The following LPP variants were observed in gnomAD, a reference collection of about 807,000 sequenced individuals.
The protein encoded by LPP is LIM domain containing preferred translocation partner in lipoma, also known as lipoma-preferred partner.
Under a neutral mutation model 60.4 loss-of-function variants are expected in LPP, and 38 were observed. The ratio of observed to expected loss-of-function variants is 0.63; its 90% confidence interval spans 0.49 to 0.83. LPP has a LOEUF of 0.83. Among genes scored for constraint, LPP ranks in the 40% least tolerant of loss-of-function variants. The pLI, the probability that LPP is intolerant of heterozygous loss-of-function variation, is 0.00. For missense variants in LPP, 902 were observed against 783.6 expected, an observed-to-expected ratio of 1.15 and a Z score of -1.80; for synonymous variants, 328 against 290.8, an observed-to-expected ratio of 1.13 and a Z score of -1.30.
chr3:188,431,684 A>G (rs1040443284), intron 4 of LPP, among the ~76,000 whole-genome samples: 4 of 152,182 alleles, frequency 2.6e-5, no homozygotes, highest in African/African-American at 9.6e-5. Context: ...CTTGAGGCCT[A>G]TGTAAATCAA....
intron 7 of LPP, among the ~76,000 whole-genome samples, chr3:188,683,319 C>T (rs1245058123): frequency 6.6e-6 from 1 of 152,024 alleles, no homozygotes; most frequent in African/African-American, 2.4e-5. Flanking sequence ...CATTTTTTCC[C>T]CTTTTCTTTC....
chr3:188,199,798 T>TC (rs35013066), intron 1 of LPP, among the ~76,000 whole-genome samples: 1 of 151,370 alleles, frequency 6.6e-6, no homozygotes, highest in Non-Finnish European at 1.5e-5. Flanking sequence ...CACTGCAACC[T>TC]CCCCCTCCCA....
chr3:188,535,221 G>T (rs541840092), intron 6 of LPP, among the ~76,000 whole-genome samples: 1 of 152,090 alleles, frequency 6.6e-6, no homozygotes, highest in Non-Finnish European at 1.5e-5. Context: ...GAAGGGGATC[G>T]AATTATGTTT....
At chr3:188,664,464 A>G (rs1170487874) in intron 7 of LPP, among the ~76,000 whole-genome samples, 1 of 152,232 alleles carries the variant, frequency 6.6e-6, no homozygotes, top group Non-Finnish European at 1.5e-5. Context: ...AACAACTGTG[A>G]AGTTCAAGTC....
At chr3:188,692,173 T>G (rs1862269371) in intron 7 of LPP, among the ~76,000 whole-genome samples, 7 of 152,226 alleles carry the variant, frequency 4.6e-5, no homozygotes, top group Admixed American at 4.6e-4. Context: ...CCTCATTTTC[T>G]TCAGCCTCTA....
intron 9 of LPP, 131 bp downstream of exon 9, chr3:188,760,413 T>G (rs1317006680): frequency 2.0e-5 from 13 of 643,542 alleles, no homozygotes; most frequent in Admixed American, 1.2e-4. Flanking sequence ...GTGTGGGGTG[T>G]GTGTGTGTGT....
intron 7 of LPP, among the ~76,000 whole-genome samples, chr3:188,646,407 A>G (rs1851108554): frequency 6.6e-6 from 1 of 152,196 alleles, no homozygotes; most frequent in African/African-American, 2.4e-5. Flanking sequence ...AAGAACAATG[A>G]TGCTGATTTT....
At chr3:188,674,759 A>C (rs1857649026) in intron 7 of LPP, among the ~76,000 whole-genome samples, 1 of 152,208 alleles carries the variant, frequency 6.6e-6, no homozygotes, top group Non-Finnish European at 1.5e-5. Flanking sequence ...GTACGAGAGT[A>C]GGTGTGCAAA....
intron 9 of LPP, among the ~76,000 whole-genome samples, chr3:188,842,316 T>C (rs1305347047): frequency 1.3e-5 from 2 of 152,240 alleles, no homozygotes; most frequent in Non-Finnish European, 2.9e-5. Flanking sequence ...TTGCCATTTG[T>C]ATGTCTTTTG....
chr3:188,797,067 C>T (rs1199537585), intron 9 of LPP, among the ~76,000 whole-genome samples: 2 of 152,086 alleles, frequency 1.3e-5, no homozygotes, highest in African/African-American at 4.8e-5. Flanking sequence ...TTATTTTCTT[C>T]CCAATGAATA....
chr3:188,623,460 GT>G (rs1162878980), intron 7 of LPP, among the ~76,000 whole-genome samples: 2 of 152,048 alleles, frequency 1.3e-5, no homozygotes, highest in Non-Finnish European at 2.9e-5. Context: ...GTTTCACTAT[GT>G]TGGCCAGGCA....
Position 188,881,385 on chromosome 3 carries a change from A to G in LPP, c.*6906A>G, listed in dbSNP as rs751729297. On this transcript the variant is annotated 3_prime_UTR_variant, in exon 12 of 12. Transcript: ENST00000617246. ...ACTTATTGACATAGTGTCATGTCCTATCACTCTCTGCTGCTTCTTTAAACA... is the reference window on the plus strand; with the variant it reads ...ACTTATTGACATAGTGTCATGTCCTGTCACTCTCTGCTGCTTCTTTAAACA... 32 of 202,440 alleles carry G rather than the reference A, an allele frequency of 1.6e-4. No homozygotes were observed. The highest frequency in any genetic ancestry group is 2.8e-4 in the Non-Finnish European group (27 of 98,104). The allele number at this position is 202,440 out of a possible 1,614,324, so 12.5% of individuals were successfully genotyped here.
At chr3:188,758,039 A>C (rs988739790) in intron 8 of LPP, among the ~76,000 whole-genome samples, 1 of 152,210 alleles carries the variant, frequency 6.6e-6, no homozygotes, top group African/African-American at 2.4e-5. Flanking sequence ...AGTCTGCCAC[A>C]AACAAATACT....
chr3:188,880,715 C>A lies in LPP; in HGVS notation c.*6236C>A. The stretch of plus-strand genomic sequence containing the variant: ...GTTATTAAACAGCCACAATCGCATT[C>A]AGTCAACTTGGCACTGAATGTAGCT... On this transcript the variant is annotated 3_prime_UTR_variant, in exon 12 of 12. Transcript: ENST00000617246. 5.4e-6 allele frequency: 1 copy of A among 185,298 alleles called. No homozygotes were observed. The highest frequency in any genetic ancestry group is 1.1e-5 in the Non-Finnish European group (1 of 87,404). 11.5% of individuals were successfully genotyped at this position (185,298 alleles called of 1,614,324 possible). A position where few individuals can be genotyped will look rare whatever the true frequency, so the allele number is the denominator to read the frequency against.
At chr3:188,573,818 T>A (rs115479819) in intron 6 of LPP, among the ~76,000 whole-genome samples, 3,247 of 152,076 alleles carry the variant, frequency 0.021, 115 homozygotes, top group African/African-American at 0.075. Context: ...GAGGACAGAA[T>A]TGAAGGGCTT....
At chr3:188,359,570 G>T (rs78970016) in intron 3 of LPP, among the ~76,000 whole-genome samples, 2,251 of 152,204 alleles carry the variant, frequency 0.015, 52 homozygotes, top group African/African-American at 0.05. Context: ...CTTATTCCAC[G>T]CTGGGCAGGT....
chr3:188,543,489 G>A (rs958174106), intron 6 of LPP, among the ~76,000 whole-genome samples: 18 of 152,204 alleles, frequency 1.2e-4, no homozygotes, highest in Admixed American at 3.3e-4. Flanking sequence ...AAGGTTCAAC[G>A]GGAGAACGAT....
intron 2 of LPP, among the ~76,000 whole-genome samples, chr3:188,275,524 T>C (rs1391318285): frequency 1.3e-5 from 2 of 152,140 alleles, no homozygotes; most frequent in Non-Finnish European, 2.9e-5. Flanking sequence ...TGTGCCTGGC[T>C]CTCCACCTTA....
At chr3:188,254,853 C>A (rs1731123312) in intron 2 of LPP, among the ~76,000 whole-genome samples, 1 of 152,138 alleles carries the variant, frequency 6.6e-6, no homozygotes, top group South Asian at 2.1e-4. Context: ...GGAATGGATA[C>A]CTAAATATTT....
Sources: gnomAD v4.1 joint callset for allele counts (sites outside exome capture counted in the v4.1 genomes callset) on GRCh38, gnomAD v4.1.1 for gene constraint, MANE v1.5 for transcripts, NCBI Gene and HGNC (gene_info 2026-07-23, HGNC 2026-07-21) for gene names.